The following ZNF837 variants were observed in gnomAD, a reference collection of about 807,000 sequenced individuals.
The protein encoded by ZNF837 is zinc finger protein 837.
For missense variants in ZNF837, 955 were observed against 801.7 expected (o/e 1.19, Z -2.31); for synonymous variants, 475 against 365.2 (o/e 1.30, Z -3.43).
intron 1 of ZNF837, among the ~76,000 whole-genome samples, chr19:58,375,495 T>C (rs1196153879): frequency 1.3e-5 from 2 of 151,772 alleles, no homozygotes; most frequent in African/African-American, 4.8e-5. Context: ...TCACCCAAGC[T>C]GGAGTGCAGT....
intron 1 of ZNF837, among the ~76,000 whole-genome samples, chr19:58,370,387 C>T (rs1198847107): frequency 1.3e-5 from 2 of 152,166 alleles, no homozygotes; most frequent in African/African-American, 4.8e-5. Context: ...AGGCCAACCA[C>T]ACATAATCCA....
chr19:58,376,554 CAAAAAAAAAAAAAAAA>C (rs59075587), intron 1 of ZNF837, among the ~76,000 whole-genome samples: 70 of 67,796 alleles, frequency 1.0e-3, no homozygotes, highest in Admixed American at 8.7e-4. Context: ...GACTCTGTCT[CAAAAAAAAAAAAAAAA>C]AAAAAAAAAA....
chr19:58,374,027 T>G (rs1169730753), intron 1 of ZNF837, among the ~76,000 whole-genome samples: 2 of 152,154 alleles, frequency 1.3e-5, no homozygotes, highest in African/African-American at 4.8e-5. Flanking sequence ...ATGCTCAGTG[T>G]TTGCCCTGAG....
Position 58,375,283 on chromosome 19 carries a change from T to TAC in ZNF837, c.-139-5356_-139-5355insGT, listed in dbSNP as rs1568568328. ...AAAAAAAAAAAAGTATATATATATA[T>TAC]ATATATATATATATATATATATATA... On this transcript the variant is annotated intron_variant, in intron 1 of 2. Coordinates refer to ENST00000597582, the MANE Select transcript of ZNF837 (RefSeq NM_138466.2). Among the ~76,000 whole-genome samples the TAC allele has an allele frequency of 1.9e-4, 9 of 47,182 alleles. 1 individual carries two copies. Among genetic ancestry groups the TAC allele is most frequent in the African/African-American group, 5.6e-4 (9 of 16,142 alleles). 31.0% of individuals were successfully genotyped at this position (47,182 alleles called of 152,430 possible).
rs995729229 is a variant in ZNF837, at chr19:58,368,276, G to A, written c.1057C>T (p.Arg353Ter). ...PCGDYSERSP[R>*]RGSGAGEKPY... ...TTCTCCCCGGCTCCCGACCCCCGTC[G>A]GGGACTCCGCTCGCTGTAGTCCCCG... Residue 353 changes from arginine to a stop codon, truncating the protein, a stop_gained, in exon 3 of 3, where the codon CGA (arginine) becomes TGA (stop). Coordinates refer to ENST00000597582, the MANE Select transcript of ZNF837 (RefSeq NM_138466.2). LOFTEE classifies it low-confidence loss of function (END_TRUNC). 2.0e-6 allele frequency: 3 copies of A among 1,482,220 alleles called. No homozygotes were observed. Among genetic ancestry groups the A allele is most frequent in the East Asian group, 5.0e-5 (2 of 39,632 alleles). The allele number at this position is 1,482,220 out of a possible 1,614,324, so 91.8% of individuals were successfully genotyped here.
In ZNF837 at chr19:58,367,741, G is replaced by T; in HGVS notation, c.1592C>A (p.Pro531His). Residue 531 changes from proline to histidine, a missense_variant, in exon 3 of 3, where the codon CCT becomes CAT. Coordinates refer to ENST00000597582, the MANE Select transcript of ZNF837 (RefSeq NM_138466.2). The part of the protein sequence containing the change: ...HRKRHGGRAA[P>H] ...TCGACTCTCGGCTCCCTGCAGTCAA[G>T]GCGCGGCGCGGCCCCCGTGCCGCTT... 1.3e-6 allele frequency: 2 copies of T among 1,516,944 alleles called. No individual in the cohort carries two copies. The highest frequency in any genetic ancestry group is 2.5e-5 in the South Asian group (2 of 81,208). 94.0% of individuals were successfully genotyped at this position (1,516,944 alleles called of 1,614,324 possible). A position where few individuals can be genotyped will look rare whatever the true frequency, so the allele number is the denominator to read the frequency against.
chr19:58,370,964 G>A (rs1330952134), intron 1 of ZNF837, among the ~76,000 whole-genome samples: 7 of 151,488 alleles, frequency 4.6e-5, no homozygotes, highest in East Asian at 3.9e-4. Context: ...GGGGGGAGCC[G>A]GGCGCGGTGG....
chr19:58,368,529 C>T lies in ZNF837; in HGVS notation c.804G>A (p.Gln268=). ...CGCACTCGTCGCAAGCGTACAGTCG[C>T]TGGGCCGGGGGGTCGGGGACAATAG... ...PRPIVPDPPA[Q]RLYACDECGK... Residue 268 remains glutamine (Q), a synonymous_variant, in exon 3 of 3, where the codon CAG becomes CAA. Coordinates refer to ENST00000597582, the MANE Select transcript of ZNF837 (RefSeq NM_138466.2). The T allele has an allele frequency of 6.5e-7, 1 of 1,542,100 alleles. No individual in the cohort carries two copies. The highest frequency in any genetic ancestry group is 8.7e-7 in the Non-Finnish European group (1 of 1,144,664).
In ZNF837 at chr19:58,368,694, G is replaced by C. The variant is rs1169377965; in HGVS notation, c.639C>G (p.Ile213Met). 2.6e-6 allele frequency: 4 copies of C among 1,533,480 alleles called. No homozygotes were observed. The highest frequency in any genetic ancestry group is 3.5e-6 in the Non-Finnish European group (4 of 1,144,902). The allele number at this position is 1,533,480 out of a possible 1,614,324, so 95.0% of individuals were successfully genotyped here. Residue 213 changes from isoleucine to methionine, a missense_variant, in exon 3 of 3, where the codon ATC (isoleucine) becomes ATG (methionine). Transcript: ENST00000597582. The part of the protein sequence containing the change: ...GEAFAWRALR[I>M]PQERLQATEE... ...CCGTCGCCTGCAGCCTCTCCTGGGG[G>C]ATCCGCAGGGCCCTCCACGCAAAGG...
At chr19:58,373,589 A>G (rs1302219547) in intron 1 of ZNF837, among the ~76,000 whole-genome samples, 1 of 152,220 alleles carries the variant, frequency 6.6e-6, no homozygotes, top group Non-Finnish European at 1.5e-5. Flanking sequence ...CTGCTGTTGT[A>G]GCTTGTTACT....
chr19:58,370,571 AT>A (rs765076606), intron 1 of ZNF837, among the ~76,000 whole-genome samples: 70 of 152,302 alleles, frequency 4.6e-4, no homozygotes, highest in Non-Finnish European at 5.3e-4. Flanking sequence ...ATAAATATTC[AT>A]CTCCTAAGCA....
In ZNF837 at chr19:58,368,622, G is replaced by T. The variant is rs1165682291; in HGVS notation, c.711C>A (p.Asn237Lys). The T allele has an allele frequency of 5.9e-6, 9 of 1,532,778 alleles. No homozygotes were observed. The South Asian group carries it at 7.2e-5, about 12-fold the overall frequency. The allele number at this position is 1,532,778 out of a possible 1,614,324, so 94.9% of individuals were successfully genotyped here. Residue 237 changes from asparagine to lysine, a missense_variant, in exon 3 of 3, where the codon AAC (asparagine) becomes AAA (lysine). Transcript: ENST00000597582. ...CARCGKRFRPNQQQQAGKSPP... is the reference protein window; with the variant it reads ...CARCGKRFRPKQQQQAGKSPP... ...GACTCTTGCCCGCCTGCTGCTGCTG[G>T]TTGGGGCGGAAGCGCTTCCCGCACC... is the stretch of plus-strand genomic sequence containing the variant.
At chr19:58,377,427 C>T (rs1285841975) in intron 1 of ZNF837, among the ~76,000 whole-genome samples, 4 of 151,742 alleles carry the variant, frequency 2.6e-5, no homozygotes, top group African/African-American at 9.7e-5. Context: ...TTGTAGTGAG[C>T]CGAGATCTTG....
rs2052174329 is a variant in ZNF837 at position 58,369,035 on chromosome 19, G to A, written c.298C>T (p.Pro100Ser). Residue 100 changes from proline (P) to serine (S), a missense_variant, in exon 3 of 3, where the codon CCT becomes TCT. By Grantham distance (74) the Pro-to-Ser change is moderately conservative (BLOSUM62 -1). Transcript: ENST00000597582. ...AGCCCCTCGGGGATAACCAGCTCAG[G>A]GTTCTGAGAAGAGGTGGGGCCGCAC... Reference protein sequence around the residue: ...EPCGPTSSQNPELVIPEGLQA... With the variant: ...EPCGPTSSQNSELVIPEGLQA... 2 of 1,513,762 alleles carry A rather than the reference G, an allele frequency of 1.3e-6. No homozygotes were observed. Among genetic ancestry groups the A allele is most frequent in the African/African-American group, 2.8e-5 (2 of 71,782 alleles). The allele number at this position is 1,513,762 out of a possible 1,614,324, so 93.8% of individuals were successfully genotyped here.
intron 1 of ZNF837, among the ~76,000 whole-genome samples, 195 bp from the exon 2 acceptor site, chr19:58,370,123 A>C (rs762288160): frequency 2.0e-5 from 3 of 152,232 alleles, no homozygotes; most frequent in Non-Finnish European, 4.4e-5. Context: ...GGCTTGAGAC[A>C]GTGCAAACTT....
At chr19:58,375,046 G>A (rs2122128968) in intron 1 of ZNF837, among the ~76,000 whole-genome samples, 2 of 150,472 alleles carry the variant, frequency 1.3e-5, no homozygotes, top group South Asian at 4.2e-4. Flanking sequence ...ATCACTTGAG[G>A]TCAGGAGTTC....
chr19:58,372,462 T>C (rs1379505365), intron 1 of ZNF837, among the ~76,000 whole-genome samples: 2 of 152,038 alleles, frequency 1.3e-5, no homozygotes, highest in African/African-American at 4.8e-5. Flanking sequence ...GGTCAAGAGA[T>C]CGAGACCATC....
rs1460425078 is a variant in ZNF837, at chr19:58,369,282, A to G, written c.51T>C (p.Asp17=). 2.8e-6 allele frequency: 4 copies of G among 1,406,674 alleles called. No homozygotes were observed. The highest frequency in any genetic ancestry group is 2.8e-6 in the Non-Finnish European group (3 of 1,086,398). 87.1% of individuals were successfully genotyped at this position (1,406,674 alleles called of 1,614,324 possible). ...CCCGGGCCCCGGAGGCACCCTGGGC[A>G]TCGGCCTTGGGGAGTCCTCCCTGCC... ...KAGQGGLPKA[D]AQGASGAREK... Residue 17 remains aspartate (D), a synonymous_variant, in exon 3 of 3, where the codon GAT becomes GAC. Coordinates refer to ENST00000597582, the MANE Select transcript of ZNF837 (RefSeq NM_138466.2).
chr19:58,378,183 C>G (rs879627068), intron 1 of ZNF837, among the ~76,000 whole-genome samples: 1 of 152,208 alleles, frequency 6.6e-6, no homozygotes, highest in Non-Finnish European at 1.5e-5. Flanking sequence ...CAGCCATAGA[C>G]TCTGATGGGG....
Sources: gnomAD v4.1 joint callset for allele counts (sites outside exome capture counted in the v4.1 genomes callset) on GRCh38, gnomAD v4.1.1 for gene constraint, MANE v1.5 for transcripts, NCBI Gene and HGNC (gene_info 2026-07-23, HGNC 2026-07-21) for gene names.